PTPRS: variants seen among roughly 807,000 people sequenced by gnomAD.
PTPRS encodes the protein protein tyrosine phosphatase receptor type S.
Under a neutral mutation model 215.3 loss-of-function variants are expected in PTPRS, and 63 were observed. The ratio of observed to expected loss-of-function variants is 0.29; its 90% confidence interval spans 0.24 to 0.36. PTPRS has a LOEUF of 0.36. Ranked by LOEUF, PTPRS falls within the 10% of genes least tolerant of loss-of-function variation. The pLI, the probability that PTPRS is intolerant of heterozygous loss-of-function variation, is 1.00. For synonymous variants in PTPRS, 1,404 were observed against 1,191.4 expected (o/e 1.18, Z -3.68); for missense variants, 2,258 against 2,825.8 (o/e 0.80, Z 4.56).
intron 13 of PTPRS, among the ~76,000 whole-genome samples, chr19:5,238,368 A>AT (rs2043670175): frequency 6.6e-6 from 1 of 151,994 alleles, no homozygotes. Context: ...CTCGGCTCCG[A>AT]TTCCACCCCC....
At chr19:5,240,020 G>C (rs755717815) in intron 12 of PTPRS, among the ~76,000 whole-genome samples, 179 bp downstream of exon 12, 3 of 152,000 alleles carry the variant, frequency 2.0e-5, no homozygotes, top group Non-Finnish European at 2.9e-5. Context: ...TGAGACAGAG[G>C]AGAAAAAAGT....
Position 5,210,496 on chromosome 19 carries a change from C to A in PTPRS, c.5460G>T (p.Leu1820=). The change falls in exon 35 of 38, where the codon CTG becomes CTT. Residue 1820 remains leucine (L), a synonymous_variant. Coordinates refer to ENST00000262963, the MANE Select transcript of PTPRS (RefSeq NM_002850.4). The surrounding 1 kb of genome is among the most constrained non-coding windows in gnomAD (Gnocchi z 4.5). ...GGGCATCTGTGACCTTGAACTCTCGCAGGATATACTGAGGCATGTTGTATT... is the reference window on the plus strand; with the variant it reads ...GGGCATCTGTGACCTTGAACTCTCGAAGGATATACTGAGGCATGTTGTATT... The part of the protein sequence containing the change: ...MAEYNMPQYI[L]REFKVTDARD... The A allele has an allele frequency of 6.2e-7, 1 of 1,614,212 alleles. No individual in the cohort carries two copies. Among genetic ancestry groups the A allele is most frequent in the Non-Finnish European group, 8.5e-7 (1 of 1,180,042 alleles).
chr19:5,211,903 G>T, intron 32 of PTPRS, 62 bp downstream of exon 32: 2 of 1,550,338 alleles, frequency 1.3e-6, no homozygotes, highest in South Asian at 1.2e-5. Flanking sequence ...AGGCGGGCCT[G>T]ATTTTCGGCT....
chr19:5,206,612 G>C lies in PTPRS; in HGVS notation c.*162C>G, dbSNP rs965393954. 1.7e-6 allele frequency: 1 copy of C among 590,102 alleles called. No individual in the cohort carries two copies. Among genetic ancestry groups the C allele is most frequent in the Non-Finnish European group, 2.9e-6 (1 of 340,818 alleles). 36.6% of individuals were successfully genotyped at this position (590,102 alleles called of 1,614,324 possible). A position where few individuals can be genotyped will look rare whatever the true frequency, so the allele number is the denominator to read the frequency against. On this transcript the variant is annotated 3_prime_UTR_variant, in exon 38 of 38. Coordinates refer to ENST00000262963, the MANE Select transcript of PTPRS (RefSeq NM_002850.4). ...CTGGGGCGGCCGGGGCCGGTGGGGGGGCTCGAGGGGCTGCGTCGTCCTCGG... is the reference window on the plus strand; with the variant it reads ...CTGGGGCGGCCGGGGCCGGTGGGGGCGCTCGAGGGGCTGCGTCGTCCTCGG...
chr19:5,244,794 C>T lies in PTPRS; in HGVS notation c.989-312G>A, dbSNP rs1301517328. ...ACACAATTCTCCTGCCTCAGCCTCC[C>T]GAGTAGCTGGGACGACAGGCGCCTG... On this transcript the variant is annotated intron_variant, in intron 10 of 37. Transcript: ENST00000262963. The surrounding 1 kb of genome is among the most constrained non-coding windows in gnomAD (Gnocchi z 7.2). 1.3e-5 allele frequency among the ~76,000 whole-genome samples: 2 copies of T among 151,286 alleles called. No homozygotes were observed. The highest frequency in any genetic ancestry group is 1.9e-4 in the East Asian group (1 of 5,176).
In PTPRS at chr19:5,268,043, A is replaced by G. The variant is rs904696113; in HGVS notation, c.380-2847T>C. On this transcript the variant is annotated intron_variant, in intron 4 of 37. Coordinates refer to ENST00000262963, the MANE Select transcript of PTPRS (RefSeq NM_002850.4). ...AGATTAGCCGGGCTTGGTGACGGGC[A>G]CCTGTAGTCCCAGCTACTCGGGAGG... Among the ~76,000 whole-genome samples, 13 of 151,876 alleles carry G rather than the reference A, an allele frequency of 8.6e-5. 1 individual carries two copies. Among genetic ancestry groups the G allele is most frequent in the East Asian group, 2.0e-4 (1 of 5,082 alleles).
rs1431458963 is a variant in PTPRS at position 5,211,961 on chromosome 19, G to A, written c.5055+4C>T. The A allele has an allele frequency of 1.3e-6, 2 of 1,591,446 alleles. No individual in the cohort carries two copies. On this transcript the variant is annotated splice_donor_region_variant and intron_variant, in intron 32 of 37. Coordinates refer to ENST00000262963, the MANE Select transcript of PTPRS (RefSeq NM_002850.4). Reference sequence around the variant, plus strand: ...GCCCACAGCAGCCTCCACCCCGCTGGCACCTTGAACTCGAGTTCCATGCCA... The same window carrying A: ...GCCCACAGCAGCCTCCACCCCGCTGACACCTTGAACTCGAGTTCCATGCCA...
intron 33 of PTPRS, 59 bp downstream of exon 33, chr19:5,211,531 C>G (rs528053428): frequency 1.0e-5 from 16 of 1,544,558 alleles, no homozygotes; most frequent in Non-Finnish European, 1.4e-5. Flanking sequence ...CTGGAGGCCT[C>G]TTGAGAGTAG....
At chr19:5,301,982 T>G (rs1253907641) in intron 1 of PTPRS, among the ~76,000 whole-genome samples, 7 of 152,116 alleles carry the variant, frequency 4.6e-5, no homozygotes, top group Non-Finnish European at 1.0e-4. Context: ...GGTTTCACCA[T>G]GTTGGCAAGG....
At chr19:5,317,377 C>T (rs903064248) in intron 1 of PTPRS, among the ~76,000 whole-genome samples, 1 of 152,148 alleles carries the variant, frequency 6.6e-6, no homozygotes, top group Non-Finnish European at 1.5e-5. Context: ...GAGGCTGAGG[C>T]AGGAGAATCA....
At position 5,219,330 on chromosome 19, in the gene PTPRS, A is replaced by T. The variant is rs2041769462; in HGVS notation, c.3903T>A (p.Ile1301=). The T allele has an allele frequency of 1.2e-6, 2 of 1,614,114 alleles. No homozygotes were observed. The highest frequency in any genetic ancestry group is 1.7e-6 in the Non-Finnish European group (2 of 1,180,008). The change falls in exon 23 of 38, where the codon ATT becomes ATA. Residue 1301 remains isoleucine (I), a synonymous_variant. Coordinates refer to ENST00000262963, the MANE Select transcript of PTPRS (RefSeq NM_002850.4). ...LAVVFIICIV[I]AILLYKNKPD... is the part of the protein sequence containing the mutation. ...CTTACTTCTTGTAGAGCAGGATAGC[A>T]ATGACAATGCAGATTATGAAGACCA... is the stretch of plus-strand genomic sequence containing the variant.
rs114463778 is a variant in PTPRS at position 5,217,806 on chromosome 19, C to T, written c.4048+614G>A. 4.3e-3 allele frequency among the ~76,000 whole-genome samples: 647 copies of T among 152,130 alleles called. 2 individuals carry two copies. Among genetic ancestry groups the T allele is most frequent in the African/African-American group, 0.015 (602 of 41,490 alleles). On this transcript the variant is annotated intron_variant, in intron 25 of 37. Coordinates refer to ENST00000262963, the MANE Select transcript of PTPRS (RefSeq NM_002850.4). The stretch of plus-strand genomic sequence containing the variant: ...TTGGTTAGAAGCAGCTGGCATGAGC[C>T]CATGAAGAGGGAGGAGATGGTAGAG...
chr19:5,219,804 CAA>C (rs1211380769), intron 22 of PTPRS, 133 bp downstream of exon 22: 133 of 1,067,846 alleles, frequency 1.2e-4, no homozygotes, highest in Non-Finnish European at 1.7e-4. Flanking sequence ...CCTCCGCTCC[CAA>C]GTCTTCCCCT....
intron 22 of PTPRS, 83 bp downstream of exon 22, chr19:5,219,856 C>G: frequency 2.0e-6 from 3 of 1,471,020 alleles, no homozygotes; most frequent in Non-Finnish European, 2.8e-6. Context: ...TGTGACTGAC[C>G]ACAGAGGTCA....
At chr19:5,207,059 G>C (rs960960705) in intron 37 of PTPRS, among the ~76,000 whole-genome samples, 2 of 152,178 alleles carry the variant, frequency 1.3e-5, no homozygotes, top group Non-Finnish European at 2.9e-5. Flanking sequence ...CTCTCCTCCC[G>C]TCTGCCTGGA....
At chr19:5,231,919 G>C (rs2145683665) in intron 13 of PTPRS, among the ~76,000 whole-genome samples, 1 of 152,294 alleles carries the variant, frequency 6.6e-6, no homozygotes, top group East Asian at 1.9e-4. Flanking sequence ...TGGTCCCCAT[G>C]CCAGAAACTG....
intron 19 of PTPRS, 119 bp from the exon 20 acceptor site, chr19:5,221,372 G>A: frequency 7.4e-7 from 1 of 1,359,424 alleles, no homozygotes; most frequent in Non-Finnish European, 9.9e-7. Flanking sequence ...CCTGCCCTAG[G>A]CAGAAATCTA....
rs1023147755 is a variant in PTPRS at position 5,219,351 on chromosome 19, G to A, written c.3882C>T (p.Val1294=). Residue 1294 remains valine (V), a synonymous_variant, in exon 23 of 38, where the codon GTC becomes GTT. Transcript: ENST00000262963. ...TAGCAATGACAATGCAGATTATGAA[G>A]ACCACGGCCAGCACAGGCCCGATCA... ...IWVIGPVLAV[V]FIICIVIAIL... 1.2e-6 allele frequency: 2 copies of A among 1,614,058 alleles called. No individual in the cohort carries two copies. The highest frequency in any genetic ancestry group is 1.7e-6 in the Non-Finnish European group (2 of 1,179,994).
chr19:5,281,665 G>A (rs778765488), intron 2 of PTPRS, among the ~76,000 whole-genome samples: 6 of 152,296 alleles, frequency 3.9e-5, no homozygotes, highest in Non-Finnish European at 7.3e-5. Context: ...CCGGGGCCAT[G>A]CGTCCTCAGC....
Sources: allele counts gnomAD v4.1 joint callset (sites outside exome capture counted in the v4.1 genomes callset), GRCh38; gene constraint gnomAD v4.1.1; non-coding constraint Gnocchi (gnomAD v3.1); transcripts MANE v1.5; gene names NCBI Gene and HGNC (gene_info 2026-07-23, HGNC 2026-07-21).